SGMS1: variants seen among roughly 807,000 people sequenced by gnomAD.
SGMS1 encodes the protein phosphatidylcholine:ceramide cholinephosphotransferase 1.
SGMS1 carries 13 observed loss-of-function variants against 46.2 expected under a neutral mutation model. The observed-to-expected ratio is 0.28, with a 90% CI of 0.18 to 0.45. SGMS1 has a LOEUF of 0.45. Ranked by LOEUF, SGMS1 falls within the 20% of genes least tolerant of loss-of-function variation. The probability of loss-of-function intolerance (pLI) is 1.00; values close to 1 mark genes in which losing one functional copy is unlikely to be tolerated. For synonymous variants in SGMS1, 203 were observed against 187.8 expected, an observed-to-expected ratio of 1.08 and a Z score of -0.66; for missense variants, 324 against 519.9, an observed-to-expected ratio of 0.62 and a Z score of 3.66.
intron 2 of SGMS1, among the ~76,000 whole-genome samples, chr10:50,556,002 C>T (rs1838186270): frequency 6.6e-6 from 1 of 152,212 alleles, no homozygotes; most frequent in African/African-American, 2.4e-5. Context: ...AGAATGCTCT[C>T]ATTTTCCCCT....
chr10:50,606,059 C>T (rs1195243989), intron 1 of SGMS1, among the ~76,000 whole-genome samples: 1 of 152,178 alleles, frequency 6.6e-6, no homozygotes, highest in Non-Finnish European at 1.5e-5. Context: ...CACAGCAGCA[C>T]TAACCACAAC....
chr10:50,394,628 T>C (rs1373074038), intron 6 of SGMS1, among the ~76,000 whole-genome samples: 1 of 152,262 alleles, frequency 6.6e-6, no homozygotes, highest in East Asian at 1.9e-4. Flanking sequence ...TCTGAGGTTA[T>C]ATGAAATAAA....
At chr10:50,452,051 T>C (rs945345797) in intron 5 of SGMS1, among the ~76,000 whole-genome samples, 3 of 152,194 alleles carry the variant, frequency 2.0e-5, no homozygotes, top group Admixed American at 1.3e-4. Context: ...TAATATTTCC[T>C]TATTATTTGT....
At chr10:50,407,750 A>G (rs909051227) in intron 6 of SGMS1, among the ~76,000 whole-genome samples, 3 of 151,556 alleles carry the variant, frequency 2.0e-5, no homozygotes, top group African/African-American at 7.2e-5. Flanking sequence ...ATGTACTTCT[A>G]GGATTCAAAG....
At position 50,543,274 on chromosome 10, in the gene SGMS1, A is replaced by C. The variant is rs183958771; in HGVS notation, c.-588-23353T>G. Among the ~76,000 whole-genome samples, 501 of 152,340 alleles carry C rather than the reference A, an allele frequency of 3.3e-3. 3 individuals carry two copies. The highest frequency in any genetic ancestry group is 4.5e-3 in the Non-Finnish European group (309 of 68,026). ...GCTGCTTTTCTAATCACTTGGAATT[A>C]TGGAAAGGAAAGAGGACAGCAGAGA... On this transcript the variant is annotated intron_variant, in intron 2 of 10. Coordinates refer to ENST00000361781, the MANE Select transcript of SGMS1 (RefSeq NM_147156.4).
At chr10:50,549,513 G>A (rs922757223) in intron 2 of SGMS1, among the ~76,000 whole-genome samples, 2 of 152,078 alleles carry the variant, frequency 1.3e-5, no homozygotes, top group Non-Finnish European at 2.9e-5. Flanking sequence ...GACACAGGAG[G>A]GGAACAACAC....
At chr10:50,555,668 A>C (rs4935174) in intron 2 of SGMS1, among the ~76,000 whole-genome samples, 32,070 of 152,202 alleles carry the variant, frequency 0.21, 4,149 homozygotes, top group East Asian at 0.64. Context: ...AGACCTTCAG[A>C]AACTCCAGTT....
At chr10:50,362,461 C>T (rs891789654) in intron 6 of SGMS1, among the ~76,000 whole-genome samples, 27 of 152,136 alleles carry the variant, frequency 1.8e-4, no homozygotes, top group Admixed American at 1.7e-3. Context: ...ATGAAACTGA[C>T]ACACAATGAT....
At chr10:50,618,480 G>A (rs796678936) in intron 1 of SGMS1, among the ~76,000 whole-genome samples, 1 of 152,152 alleles carries the variant, frequency 6.6e-6, no homozygotes, top group Non-Finnish European at 1.5e-5. Flanking sequence ...GGAAAAGCAA[G>A]TATGGCTAGT....
At chr10:50,438,462 T>A (rs1001701756) in intron 5 of SGMS1, among the ~76,000 whole-genome samples, 2 of 152,130 alleles carry the variant, frequency 1.3e-5, no homozygotes, top group Non-Finnish European at 2.9e-5. Context: ...ATCCTGCCAA[T>A]CACACGGGCT....
chr10:50,390,947 CAA>C (rs1212400629), intron 6 of SGMS1, among the ~76,000 whole-genome samples: 1 of 152,036 alleles, frequency 6.6e-6, no homozygotes, highest in East Asian at 1.9e-4. Context: ...AGGTAGAAAC[CAA>C]AGTCATAGCG....
chr10:50,334,580 C>G (rs1257968151), intron 7 of SGMS1: 1 of 152,162 alleles, frequency 6.6e-6, no homozygotes, highest in African/African-American at 2.4e-5. Flanking sequence ...TTTCTGAAAA[C>G]ATAACAGACA....
intron 6 of SGMS1, among the ~76,000 whole-genome samples, chr10:50,413,921 T>C (rs1004701037): frequency 6.6e-6 from 1 of 152,256 alleles, no homozygotes; most frequent in African/African-American, 2.4e-5. Flanking sequence ...TGACCATCTC[T>C]CTTTTACCAC....
chr10:50,534,093 C>T (rs1008622303), intron 2 of SGMS1, among the ~76,000 whole-genome samples: 4 of 152,048 alleles, frequency 2.6e-5, no homozygotes, highest in African/African-American at 9.6e-5. Context: ...TTTTAAAGCC[C>T]AATAAACTAT....
intron 3 of SGMS1, 102 bp from the exon 4 acceptor site, chr10:50,467,034 ACGTATACATAG>A (rs1290725603): frequency 1.3e-5 from 2 of 152,064 alleles, no homozygotes; most frequent in East Asian, 3.8e-4. Context: ...ACTTCTTGTT[ACGTATACATAG>A]GAAAAAAAAA....
chr10:50,487,470 C>T (rs1326721646), intron 3 of SGMS1, among the ~76,000 whole-genome samples: 2 of 152,100 alleles, frequency 1.3e-5, no homozygotes, highest in Non-Finnish European at 2.9e-5. Context: ...ACATCCTGCA[C>T]GTGTACCATG....
At chr10:50,555,200 G>A (rs1361230749) in intron 2 of SGMS1, among the ~76,000 whole-genome samples, 1 of 152,208 alleles carries the variant, frequency 6.6e-6, no homozygotes, top group Non-Finnish European at 1.5e-5. Flanking sequence ...ACAAAGTAAT[G>A]AATTGTAATC....
At chr10:50,391,840 T>TAAAAA (rs146392084) in intron 6 of SGMS1, among the ~76,000 whole-genome samples, 3 of 123,480 alleles carry the variant, frequency 2.4e-5, no homozygotes, top group African/African-American at 6.1e-5. Context: ...ATGCAATCAT[T>TAAAAA]AAAAAAAAAA....
At chr10:50,432,334 C>T (rs574743094) in intron 6 of SGMS1, among the ~76,000 whole-genome samples, 1 of 152,278 alleles carries the variant, frequency 6.6e-6, no homozygotes, top group East Asian at 1.9e-4. Context: ...TATTATTTTA[C>T]TGTTAAGCAT....
Sources: allele counts gnomAD v4.1 joint callset (sites outside exome capture counted in the v4.1 genomes callset), GRCh38; gene constraint gnomAD v4.1.1; transcripts MANE v1.5; gene names NCBI Gene and HGNC (gene_info 2026-07-23, HGNC 2026-07-21).